The following XPO7 variants were observed in gnomAD, a reference collection of about 807,000 sequenced individuals.
The protein encoded by XPO7 is exportin-7.
In XPO7, 21 loss-of-function variants were observed where a neutral mutation model predicts 144.3. The ratio of observed to expected loss-of-function variants is 0.15; its 90% confidence interval spans 0.10 to 0.21. XPO7 has a LOEUF of 0.21. Ranked by LOEUF, XPO7 falls within the 10% of genes least tolerant of loss-of-function variation. The probability of loss-of-function intolerance (pLI) is 1.00; values close to 1 mark genes in which losing one functional copy is unlikely to be tolerated. For synonymous variants in XPO7, 580 were observed against 499.6 expected (o/e 1.16, Z -2.15); for missense variants, 808 against 1,325.8 (o/e 0.61, Z 6.06).
chr8:21,940,447 G>A (rs553244124), intron 1 of XPO7, among the ~76,000 whole-genome samples: 15 of 150,650 alleles, frequency 1.0e-4, no homozygotes, highest in East Asian at 2.0e-4. Flanking sequence ...AGTGGCTCCC[G>A]GGATTACAAA....
Position 21,969,463 on chromosome 8 carries a change from T to G in XPO7, c.166-20T>G. On this transcript the variant is annotated intron_variant, in intron 2 of 27. Coordinates refer to ENST00000252512, the MANE Select transcript of XPO7 (RefSeq NM_015024.5). Reference sequence around the variant, plus strand: ...CTTACTCAATACAATTTTAAGTCCTTTTTCCCTCTCTTTTCACAGTCCTCT... The same window carrying G: ...CTTACTCAATACAATTTTAAGTCCTGTTTCCCTCTCTTTTCACAGTCCTCT... 6.2e-7 allele frequency: 1 copy of G among 1,605,000 alleles called. No homozygotes were observed. Among genetic ancestry groups the G allele is most frequent in the Non-Finnish European group, 8.5e-7 (1 of 1,172,856 alleles).
intron 1 of XPO7, among the ~76,000 whole-genome samples, chr8:21,952,083 G>A (rs774705587): frequency 6.6e-6 from 1 of 152,120 alleles, no homozygotes; most frequent in Non-Finnish European, 1.5e-5. Flanking sequence ...CTTCCTTTGT[G>A]AAACTTTGGC....
intron 27 of XPO7, 127 bp from the exon 28 acceptor site, chr8:22,004,868 C>T: frequency 1.7e-6 from 1 of 575,336 alleles, no homozygotes; most frequent in South Asian, 2.5e-5. Context: ...CTGAAATTAA[C>T]TGATCTTTGA....
At chr8:21,945,556 A>C (rs1261690865) in intron 1 of XPO7, among the ~76,000 whole-genome samples, 1 of 152,248 alleles carries the variant, frequency 6.6e-6, no homozygotes, top group Non-Finnish European at 1.5e-5. Flanking sequence ...AATTTTTAGC[A>C]TGTGGCATGG....
intron 15 of XPO7, 47 bp from the exon 16 acceptor site, chr8:21,988,956 G>T (rs1402946118): frequency 1.6e-5 from 25 of 1,576,488 alleles, no homozygotes; most frequent in Non-Finnish European, 2.2e-5. Context: ...AAGGAAACCA[G>T]CAAATCAAAA....
chr8:21,920,213 A>G (rs1045850794), intron 1 of XPO7, among the ~76,000 whole-genome samples: 2 of 150,980 alleles, frequency 1.3e-5, no homozygotes, highest in African/African-American at 4.9e-5. Flanking sequence ...GCAGATAACA[A>G]AAAGGAAACC....
intron 8 of XPO7, among the ~76,000 whole-genome samples, chr8:21,978,074 C>CT (rs3830281): frequency 0.21 from 32,273 of 152,094 alleles, 5,062 homozygotes; most frequent in African/African-American, 0.45. Flanking sequence ...GATGGTCAAG[C>CT]TCTTTTGGGT....
chr8:21,983,219 A>C (rs147070702), intron 11 of XPO7, among the ~76,000 whole-genome samples: 16 of 152,366 alleles, frequency 1.1e-4, no homozygotes, highest in African/African-American at 3.8e-4. Flanking sequence ...CTAGTTATCA[A>C]TTCTAATTCC....
At chr8:22,003,369 C>T in intron 26 of XPO7, 52 bp downstream of exon 26, 1 of 1,404,398 alleles carries the variant, frequency 7.1e-7, no homozygotes, top group Non-Finnish European at 9.9e-7. Flanking sequence ...CAACCACGCA[C>T]TTGGTATCAC....
chr8:21,977,737 TA>T, intron 7 of XPO7, 32 bp from the exon 8 acceptor site: 5 of 1,607,904 alleles, frequency 3.1e-6, no homozygotes, highest in Non-Finnish European at 4.3e-6. Context: ...TCATACTTAA[TA>T]AAGTGATGTC....
At chr8:22,001,166 C>T (rs960402636) in intron 24 of XPO7, among the ~76,000 whole-genome samples, 4 of 151,920 alleles carry the variant, frequency 2.6e-5, no homozygotes, top group African/African-American at 7.3e-5. Flanking sequence ...ATTAGCTCGG[C>T]GTGGTGGTGT....
intron 1 of XPO7, among the ~76,000 whole-genome samples, chr8:21,942,065 T>TA (rs896961185): frequency 3.6e-4 from 55 of 152,374 alleles, no homozygotes; most frequent in African/African-American, 1.3e-3. Flanking sequence ...ATCCTTATAA[T>TA]AATTCCATTG....
At chr8:21,974,895 C>A in intron 6 of XPO7, 121 bp downstream of exon 6, 1 of 784,902 alleles carries the variant, frequency 1.3e-6, no homozygotes, top group Non-Finnish European at 2.0e-6. Context: ...GTTTAATCAT[C>A]ATCTCTTATA....
At chr8:21,990,529 A>T in intron 17 of XPO7, 122 bp downstream of exon 17, 1 of 1,095,104 alleles carries the variant, frequency 9.1e-7, no homozygotes. Flanking sequence ...GGTGGTCCTG[A>T]TTCCCACGAT....
chr8:21,943,317 A>T (rs967721749), intron 1 of XPO7, among the ~76,000 whole-genome samples: 1 of 152,176 alleles, frequency 6.6e-6, no homozygotes, highest in African/African-American at 2.4e-5. Context: ...TTGATATTTT[A>T]TGGCAGTTCC....
intron 1 of XPO7, among the ~76,000 whole-genome samples, chr8:21,955,854 A>G (rs1811519677): frequency 6.8e-6 from 1 of 147,444 alleles, no homozygotes; most frequent in African/African-American, 2.5e-5. Context: ...TCGGCCTCCC[A>G]AGTAGCTCGG....
intron 20 of XPO7, 23 bp from the exon 21 acceptor site, chr8:21,995,469 T>C: frequency 6.3e-7 from 1 of 1,574,888 alleles, no homozygotes; most frequent in Non-Finnish European, 8.7e-7. Flanking sequence ...ATCAGAAATC[T>C]TTCCTTAGCT....
chr8:21,949,031 G>A (rs759174518), intron 1 of XPO7, among the ~76,000 whole-genome samples: 2 of 152,168 alleles, frequency 1.3e-5, no homozygotes, highest in Non-Finnish European at 2.9e-5. Context: ...CGGGCCCTAA[G>A]ATGAGAACAG....
chr8:21,924,469 A>G (rs1016280075), intron 1 of XPO7, among the ~76,000 whole-genome samples: 1 of 150,212 alleles, frequency 6.7e-6, no homozygotes, highest in African/African-American at 2.5e-5. Flanking sequence ...CCCACTAACT[A>G]CTATCCTGTC....
Sources: gnomAD v4.1 joint callset for allele counts (sites outside exome capture counted in the v4.1 genomes callset) on GRCh38, gnomAD v4.1.1 for gene constraint, MANE v1.5 for transcripts, NCBI Gene and HGNC (gene_info 2026-07-23, HGNC 2026-07-21) for gene names.